The following KIRREL1 variants were observed in gnomAD, a reference collection of about 807,000 sequenced individuals.
KIRREL1 encodes kirre like nephrin family adhesion molecule 1, also known as kin of IRRE-like protein 1.
KIRREL1 carries 25 observed loss-of-function variants against 83.3 expected under a neutral mutation model. The ratio of observed to expected loss-of-function variants is 0.30; its 90% CI spans 0.22 to 0.42. The LOEUF (loss-of-function observed/expected upper bound fraction) is 0.42. Among genes scored for constraint, KIRREL1 ranks in the 10% least tolerant of loss-of-function variants. KIRREL1 has a pLI of 1.00. For missense variants in KIRREL1, 812 were observed against 1,032.3 expected (o/e 0.79, Z 2.92); for synonymous variants, 388 against 410.4 (o/e 0.95, Z 0.66).
At chr1:158,077,535 C>T (rs948170291) in intron 2 of KIRREL1, among the ~76,000 whole-genome samples, 3 of 152,176 alleles carry the variant, frequency 2.0e-5, no homozygotes, top group Non-Finnish European at 4.4e-5. Context: ...CCTGCCTCAT[C>T]CTTCCTCCCT....
chr1:158,043,611 A>T (rs1364415354), intron 1 of KIRREL1, among the ~76,000 whole-genome samples: 1 of 152,206 alleles, frequency 6.6e-6, no homozygotes, highest in African/African-American at 2.4e-5. Context: ...CCCAGTGGCC[A>T]TATCTCCCCA....
chr1:158,006,607 C>T (rs1241331425), intron 1 of KIRREL1, among the ~76,000 whole-genome samples: 2 of 152,212 alleles, frequency 1.3e-5, no homozygotes, highest in South Asian at 4.1e-4. Context: ...TACAGTATCC[C>T]CAGCCAGGAC....
At chr1:157,994,167 G>A (rs980946754) in intron 1 of KIRREL1, among the ~76,000 whole-genome samples, 9 of 152,182 alleles carry the variant, frequency 5.9e-5, no homozygotes, top group African/African-American at 1.7e-4. Flanking sequence ...GAAAAGCTGG[G>A]TCCCACCTCC....
intron 1 of KIRREL1, among the ~76,000 whole-genome samples, chr1:158,052,869 C>G (rs532368821): frequency 1.3e-5 from 2 of 152,138 alleles, no homozygotes; most frequent in African/African-American, 2.4e-5. Context: ...CCTCAGGAAG[C>G]TTTTACTCAT....
intron 1 of KIRREL1, among the ~76,000 whole-genome samples, chr1:158,040,287 G>A (rs1660590426): frequency 6.6e-6 from 1 of 152,148 alleles, no homozygotes; most frequent in Admixed American, 6.5e-5. Flanking sequence ...ACATCTAACT[G>A]GGGAAAGAGA....
chr1:158,084,653 A>G, intron 4 of KIRREL1, 74 bp downstream of exon 4: 1 of 1,470,118 alleles, frequency 6.8e-7, no homozygotes, highest in Non-Finnish European at 9.2e-7. Context: ...CAGGGGTTTC[A>G]CCACAGACTC....
At chr1:158,040,213 G>A (rs10908613) in intron 1 of KIRREL1, among the ~76,000 whole-genome samples, 123,324 of 152,210 alleles carry the variant, frequency 0.81, 50,515 homozygotes, top group East Asian at 0.99. Flanking sequence ...AGACCCTTAT[G>A]TAAGACCATT....
Position 158,084,483 on chromosome 1 carries a change from C to G in KIRREL1, c.414C>G (p.Pro138=), listed in dbSNP as rs747953738. 7 of 1,551,792 alleles carry G rather than the reference C, an allele frequency of 4.5e-6. No individual in the cohort carries two copies. The South Asian group carries it at 7.1e-5, about 16-fold the overall frequency. ...GPVILLQAGT[P]HNLTCRAFNA... Reference sequence around the variant, plus strand: ...TGATTCTACTGCAGGCAGGCACCCCCCACAACCTCACATGCCGGGCCTTCA... The same window carrying G: ...TGATTCTACTGCAGGCAGGCACCCCGCACAACCTCACATGCCGGGCCTTCA... Residue 138 remains proline, a synonymous_variant, in exon 4 of 15, where the codon CCC becomes CCG. Transcript: ENST00000359209.
Position 158,093,399 on chromosome 1 carries a change from T to C in KIRREL1, c.1532T>C (p.Phe511Ser), listed in dbSNP as rs1210089521. The change falls in exon 12 of 15, where the codon TTC becomes TCC. Residue 511 changes from phenylalanine to serine, a missense_variant. By Grantham distance (155) the Phe-to-Ser change is radical. Coordinates refer to ENST00000359209, the MANE Select transcript of KIRREL1 (RefSeq NM_018240.7). The part of the protein sequence containing the change: ...ATIGASILLI[F>S]FFIALVFFLY... Reference sequence around the variant, plus strand: ...ATCGGCGCGAGCATCCTGCTCATCTTCTTCTTCATCGCCTTGGTATTCTTC... The same window carrying C: ...ATCGGCGCGAGCATCCTGCTCATCTCCTTCTTCATCGCCTTGGTATTCTTC... The C allele has an allele frequency of 6.2e-7, 1 of 1,614,226 alleles. No homozygotes were observed. Among genetic ancestry groups the C allele is most frequent in the Non-Finnish European group, 8.5e-7 (1 of 1,180,040 alleles).
intron 1 of KIRREL1, among the ~76,000 whole-genome samples, chr1:157,994,830 T>C (rs1333226384): frequency 6.6e-6 from 1 of 151,786 alleles, no homozygotes; most frequent in Non-Finnish European, 1.5e-5. Flanking sequence ...CAGACACATA[T>C]ACACAAAGAC....
At chr1:158,014,180 G>A (rs1186390247) in intron 1 of KIRREL1, among the ~76,000 whole-genome samples, 1 of 151,934 alleles carries the variant, frequency 6.6e-6, no homozygotes. Context: ...AAGGGAAGGG[G>A]GAGATGAGAG....
chr1:158,016,306 A>G (rs1040148834), intron 1 of KIRREL1, among the ~76,000 whole-genome samples: 2 of 150,254 alleles, frequency 1.3e-5, no homozygotes, highest in Non-Finnish European at 3.0e-5. Context: ...TCTGTCTCAA[A>G]AAAAAAAAAG....
rs1467968374 is a variant in KIRREL1 at position 158,076,208 on chromosome 1, AT to A, written c.150del (p.Ile50MetfsTer81). 6.2e-7 allele frequency: 1 copy of A among 1,613,964 alleles called. No individual in the cohort carries two copies. The highest frequency in any genetic ancestry group is 1.3e-5 in the African/African-American group (1 of 74,924). On this transcript the variant is annotated frameshift_variant, in exon 2 of 15. Transcript: ENST00000359209. LOFTEE classifies it high-confidence loss of function. ...CTGTGTGCTGCTCAACTACTCTGGAATTGTGCAATGGACCAAGGACGGGCTG... is the reference window on the plus strand; with the variant it reads ...CTGTGTGCTGCTCAACTACTCTGGAATGTGCAATGGACCAAGGACGGGCTG... The part of the protein sequence containing the change: ...LPCVLLNYSG[I>X]VQWTKDGLAL...
In KIRREL1 at chr1:158,086,761, G is replaced by T; in HGVS notation, c.661+15G>T. 6.5e-7 allele frequency: 1 copy of T among 1,548,726 alleles called. No homozygotes were observed. The highest frequency in any genetic ancestry group is 1.2e-5 in the South Asian group (1 of 83,972). ...GGATGTGCACCGTGAGTGGGCTGGG[G>T]GGAGCAGTCTGGAGCAGGGGGGTGG... On this transcript the variant is annotated intron_variant, in intron 5 of 14. Coordinates refer to ENST00000359209, the MANE Select transcript of KIRREL1 (RefSeq NM_018240.7).
chr1:158,043,950 A>G (rs933379681), intron 1 of KIRREL1, among the ~76,000 whole-genome samples: 3 of 152,298 alleles, frequency 2.0e-5, no homozygotes, highest in East Asian at 1.9e-4. Flanking sequence ...CCACATTTCC[A>G]TCTGTAAAAT....
At chr1:158,060,934 C>T (rs1025538411) in intron 1 of KIRREL1, among the ~76,000 whole-genome samples, 1 of 152,100 alleles carries the variant, frequency 6.6e-6, no homozygotes, top group African/African-American at 2.4e-5. Flanking sequence ...GAAGGAAGTT[C>T]CAGAACTACC....
intron 1 of KIRREL1, among the ~76,000 whole-genome samples, chr1:158,068,644 C>T (rs1056021546): frequency 6.6e-6 from 1 of 152,238 alleles, no homozygotes; most frequent in African/African-American, 2.4e-5. Flanking sequence ...GCCTTCTCTT[C>T]TCCTCTATCA....
intron 1 of KIRREL1, chr1:158,030,730 G>A (rs985429710): frequency 6.6e-6 from 1 of 152,226 alleles, no homozygotes. Flanking sequence ...TGGAGCAGGT[G>A]AGAAAACCAG....
chr1:158,012,762 A>G (rs1659722916), intron 1 of KIRREL1, among the ~76,000 whole-genome samples: 1 of 152,242 alleles, frequency 6.6e-6, no homozygotes, highest in Admixed American at 6.5e-5. Flanking sequence ...TCAGCCTCCC[A>G]TTACCCGCCT....
Sources: allele counts gnomAD v4.1 joint callset (sites outside exome capture counted in the v4.1 genomes callset), GRCh38; gene constraint gnomAD v4.1.1; transcripts MANE v1.5; gene names NCBI Gene and HGNC (gene_info 2026-07-23, HGNC 2026-07-21).